Variants in CCDC3 observed in about 807,000 individuals in gnomAD.
The protein encoded by CCDC3 is coiled-coil domain-containing protein 3.
A neutral mutation model predicts 21.4 loss-of-function variants in CCDC3; 24 were observed. That is an observed-to-expected ratio of 1.12 (90% CI 0.81 to 1.58). The LOEUF (loss-of-function observed/expected upper bound fraction) is 1.58. CCDC3 is among the 40% of genes most tolerant of loss of function. The probability of loss-of-function intolerance (pLI) is 0.00; values close to 1 mark genes in which losing one functional copy is unlikely to be tolerated. For missense variants in CCDC3, 425 were observed against 360.9 expected (o/e 1.18, Z -1.44); for synonymous variants, 186 against 166.0 (o/e 1.12, Z -0.93).
At chr10:12,994,427 ACCCAG>A (rs1835728847) in intron 2 of CCDC3, among the ~76,000 whole-genome samples, 1 of 149,462 alleles carries the variant, frequency 6.7e-6, no homozygotes, top group East Asian at 1.9e-4. Context: ...AAAAAAAAAC[ACCCAG>A]CACCCAGCAC....
intron 4 of CCDC3, among the ~76,000 whole-genome samples, chr10:13,069,918 C>T (rs1387432148): frequency 6.6e-6 from 1 of 152,210 alleles, no homozygotes; most frequent in African/African-American, 2.4e-5. Flanking sequence ...TCCTCTTCAA[C>T]AGATGGTTTA....
At chr10:13,026,955 T>C (rs1836226252) in intron 5 of CCDC3, among the ~76,000 whole-genome samples, 1 of 152,146 alleles carries the variant, frequency 6.6e-6, no homozygotes, top group Non-Finnish European at 1.5e-5. Flanking sequence ...TTTTACCAGA[T>C]CTGAAATTTC....
chr10:13,062,710 T>C (rs531570558), intron 4 of CCDC3, among the ~76,000 whole-genome samples: 1 of 152,280 alleles, frequency 6.6e-6, no homozygotes, highest in East Asian at 1.9e-4. Context: ...GACCTCCTTT[T>C]TGCTTGGGGA....
chr10:12,970,178 G>A (rs752211683), intron 2 of CCDC3, among the ~76,000 whole-genome samples: 2 of 152,130 alleles, frequency 1.3e-5, no homozygotes, highest in African/African-American at 2.4e-5. Context: ...TGAAGGATGA[G>A]GGGTGAGGGG....
intron 2 of CCDC3, among the ~76,000 whole-genome samples, chr10:12,905,418 T>A (rs149272906): frequency 1.3e-5 from 2 of 152,242 alleles, no homozygotes; most frequent in Admixed American, 1.3e-4. Context: ...CAAGAGGGGC[T>A]CAAGGCAAAC....
At chr10:12,927,930 TG>T (rs1296527002) in intron 2 of CCDC3, among the ~76,000 whole-genome samples, 1 of 152,234 alleles carries the variant, frequency 6.6e-6, no homozygotes, top group Non-Finnish European at 1.5e-5. Flanking sequence ...GGAATTGCAA[TG>T]GAGAAAGGAC....
At chr10:12,974,057 G>A (rs550170864) in intron 2 of CCDC3, among the ~76,000 whole-genome samples, 95 of 152,292 alleles carry the variant, frequency 6.2e-4, no homozygotes, top group Non-Finnish European at 1.2e-3. Context: ...TTCCAGAAAG[G>A]CCTAGAGGTT....
intron 2 of CCDC3, among the ~76,000 whole-genome samples, chr10:12,923,552 A>T (rs1454949403): frequency 6.6e-6 from 1 of 152,126 alleles, no homozygotes; most frequent in Non-Finnish European, 1.5e-5. Flanking sequence ...TGGCTCTTGG[A>T]ACCTCCCTTT....
rs71477255 is a variant in CCDC3, at chr10:13,041,504, A to ATTTTTTTTTTTT, written c.-2+8158_-2+8169dup. Among the ~76,000 whole-genome samples the ATTTTTTTTTTTT allele has an allele frequency of 9.7e-5, 6 of 62,112 alleles. 1 individual carries two copies. The highest frequency in any genetic ancestry group is 5.5e-4 in the East Asian group (1 of 1,826). 40.7% of individuals were successfully genotyped at this position (62,112 alleles called of 152,430 possible). A position where few individuals can be genotyped will look rare whatever the true frequency, so the allele number is the denominator to read the frequency against. On this transcript the variant is annotated intron_variant, in intron 5 of 6. Transcript: ENST00000378839. ...GTTCACTCCAAGTGTCTGGCAGATA[A>ATTTTTTTTTTTT]TTTTTTTTTTTTTTTTTTTTTTTTT...
intron 2 of CCDC3, among the ~76,000 whole-genome samples, chr10:12,915,357 T>C (rs896081812): frequency 1.3e-5 from 2 of 152,222 alleles, no homozygotes; most frequent in Non-Finnish European, 2.9e-5. Flanking sequence ...ATTAAATGTC[T>C]TGTTTGGGTC....
At chr10:13,015,642 A>G (rs1836047544) in intron 5 of CCDC3, among the ~76,000 whole-genome samples, 1 of 152,056 alleles carries the variant, frequency 6.6e-6, no homozygotes, top group African/African-American at 2.4e-5. Context: ...CTCATTCATT[A>G]AATCAACCCA....
chr10:13,091,095 C>A (rs921721181), intron 3 of CCDC3, among the ~76,000 whole-genome samples: 1 of 148,206 alleles, frequency 6.7e-6, no homozygotes, highest in African/African-American at 2.4e-5. Flanking sequence ...GTCTGCCCTT[C>A]CACCTTCTTC....
intron 5 of CCDC3, among the ~76,000 whole-genome samples, chr10:13,011,139 C>T (rs574774287): frequency 6.6e-6 from 1 of 150,996 alleles, no homozygotes; most frequent in Non-Finnish European, 1.5e-5. Flanking sequence ...TGAGATGGCG[C>T]CACTGCATTC....
intron 2 of CCDC3, among the ~76,000 whole-genome samples, chr10:12,908,138 G>A (rs141145583): frequency 9.9e-4 from 151 of 152,318 alleles, no homozygotes; most frequent in African/African-American, 3.3e-3. Flanking sequence ...ATAAAGCCAC[G>A]TCTTCAGATA....
At chr10:13,034,190 T>C (rs571002079) in intron 5 of CCDC3, among the ~76,000 whole-genome samples, 4 of 152,182 alleles carry the variant, frequency 2.6e-5, no homozygotes, top group South Asian at 2.1e-4. Flanking sequence ...ATGTCTTTTG[T>C]AGGGACGTGG....
chr10:13,065,342 C>T (rs527676441), intron 4 of CCDC3, among the ~76,000 whole-genome samples: 16 of 152,158 alleles, frequency 1.1e-4, no homozygotes, highest in Admixed American at 4.6e-4. Flanking sequence ...CATATAAACA[C>T]GTCACATCAA....
chr10:12,987,860 C>G (rs1443230408), intron 2 of CCDC3, among the ~76,000 whole-genome samples: 3 of 152,114 alleles, frequency 2.0e-5, no homozygotes, highest in Non-Finnish European at 4.4e-5. Flanking sequence ...AGACATATCC[C>G]AGAGCCAGCC....
At chr10:13,095,561 A>C (rs1388945481) in intron 3 of CCDC3, among the ~76,000 whole-genome samples, 1 of 152,096 alleles carries the variant, frequency 6.6e-6, no homozygotes, top group East Asian at 1.9e-4. Context: ...TCCTATGAAA[A>C]TCTAATGCAG....
intron 2 of CCDC3, among the ~76,000 whole-genome samples, chr10:12,919,968 A>G (rs551771521): frequency 6.6e-6 from 1 of 152,278 alleles, no homozygotes; most frequent in South Asian, 2.1e-4. Flanking sequence ...CACCAGTCAC[A>G]AATTCCATCT....
Sources: gnomAD v4.1 joint callset for allele counts (sites outside exome capture counted in the v4.1 genomes callset) on GRCh38, gnomAD v4.1.1 for gene constraint, MANE v1.5 for transcripts, NCBI Gene and HGNC (gene_info 2026-07-23, HGNC 2026-07-21) for gene names.